The following GPR107 variants were observed in gnomAD, a reference collection of about 807,000 sequenced individuals.
GPR107 encodes the protein G protein-coupled receptor 107, also known as protein GPR107.
Under a neutral mutation model 75.5 loss-of-function variants are expected in GPR107, and 31 were observed. The ratio of observed to expected loss-of-function variants is 0.41; its 90% CI spans 0.31 to 0.55. GPR107 has a LOEUF of 0.55. Ranked by LOEUF, GPR107 falls within the 20% of genes least tolerant of loss-of-function variation. The pLI, the probability that GPR107 is intolerant of heterozygous loss-of-function variation, is 0.26. For missense variants in GPR107, 572 were observed against 665.7 expected (o/e 0.86, Z 1.55); for synonymous variants, 267 against 251.3 (o/e 1.06, Z -0.59).
intron 14 of GPR107, among the ~76,000 whole-genome samples, chr9:130,121,258 CTGGGCCACACTGGAAGAATTGTCT>C (rs1831540119): frequency 6.6e-6 from 1 of 152,166 alleles, no homozygotes; most frequent in African/African-American, 2.4e-5. Flanking sequence ...TTTGGCTTCC[CTGGGCCACACTGGAAGAATTGTCT>C]TGGGCCACAC....
chr9:130,068,466 G>T (rs1207278164), intron 1 of GPR107, among the ~76,000 whole-genome samples: 1 of 151,784 alleles, frequency 6.6e-6, no homozygotes, highest in African/African-American at 2.4e-5. Flanking sequence ...TGTTAGCCAT[G>T]TATAACATGT....
chr9:130,101,134 A>C lies in GPR107; in HGVS notation c.1042A>C (p.Ile348Leu). 6.2e-7 allele frequency: 1 copy of C among 1,608,318 alleles called. No homozygotes were observed. Among genetic ancestry groups the C allele is most frequent in the Admixed American group, 1.7e-5 (1 of 60,024 alleles). Reference sequence around the variant, plus strand: ...GAAAGGGGCGCTACTCTTCATCACCATTGCACTCATTGGCACTGGCTGGGC... The same window carrying C: ...GAAAGGGGCGCTACTCTTCATCACCCTTGCACTCATTGGCACTGGCTGGGC... ...LLKGALLFIT[I>L]ALIGTGWAFI... The change falls in exon 12 of 18, where the codon ATT becomes CTT. Residue 348 changes from isoleucine to leucine, a missense_variant. Transcript: ENST00000347136.
Position 130,135,182 on chromosome 9 carries a change from T to C in GPR107, c.*61T>C, listed in dbSNP as rs1247354962. On this transcript the variant is annotated 3_prime_UTR_variant, in exon 18 of 18. Transcript: ENST00000347136. ...ACTGTTAACTTATTCATAGTCCTAT[T>C]GGACAGCAGGAGCAGCTCCTACAGT... 17 of 861,378 alleles carry C rather than the reference T, an allele frequency of 2.0e-5. No homozygotes were observed. The highest frequency in any genetic ancestry group is 3.1e-5 in the Non-Finnish European group (17 of 550,732). The allele number at this position is 861,378 out of a possible 1,614,324, so 53.4% of individuals were successfully genotyped here. A position where few individuals can be genotyped will look rare whatever the true frequency, so the allele number is the denominator to read the frequency against.
At position 130,099,845 on chromosome 9, in the gene GPR107, C is replaced by G. The variant is rs369840656; in HGVS notation, c.939+313C>G. Among the ~76,000 whole-genome samples the G allele has an allele frequency of 3.8e-5, 5 of 132,924 alleles. No individual in the cohort carries two copies. The South Asian group carries it at 1.2e-3, about 32-fold the overall frequency. 87.2% of individuals were successfully genotyped at this position (132,924 alleles called of 152,430 possible). ...TTACCATTTCTAGAGATGAGAGTGC[C>G]ACCTGCTGACTTGTTTCCACGACTT... On this transcript the variant is annotated intron_variant, in intron 10 of 17. Coordinates refer to ENST00000347136, the MANE Select transcript of GPR107 (RefSeq NM_020960.5).
At chr9:130,119,823 TTTTG>T (rs145764411) in intron 14 of GPR107, among the ~76,000 whole-genome samples, 140,238 of 150,434 alleles carry the variant, frequency 0.93, 65,396 homozygotes, top group East Asian at 0.96. Context: ...AGTCTGTTTT[TTTTG>T]TTTGTTTGTT....
intron 14 of GPR107, chr9:130,110,349 T>A (rs1831265193): frequency 6.8e-7 from 1 of 1,478,372 alleles, no homozygotes; most frequent in African/African-American, 1.4e-5. Flanking sequence ...CACAAGGCAG[T>A]TTCTCATTTT....
At chr9:130,056,122 A>G (rs1438182965) in intron 1 of GPR107, among the ~76,000 whole-genome samples, 1 of 151,864 alleles carries the variant, frequency 6.6e-6, no homozygotes, top group African/African-American at 2.4e-5. Context: ...GTTGAGAGCT[A>G]TAGAACCTCT....
intron 2 of GPR107, 35 bp downstream of exon 2, chr9:130,075,784 CT>C (rs11446412): frequency 0.067 from 44,287 of 663,164 alleles, no homozygotes; most frequent in Non-Finnish European, 0.072. Flanking sequence ...GGGGTTTACT[CT>C]TTTTTTTTTT....
chr9:130,072,597 G>A (rs565425039), intron 1 of GPR107, among the ~76,000 whole-genome samples: 9 of 152,146 alleles, frequency 5.9e-5, no homozygotes, highest in African/African-American at 1.9e-4. Flanking sequence ...ATGAGCCATC[G>A]TGCCCAGCCG....
intron 1 of GPR107, 52 bp downstream of exon 1, chr9:130,054,125 G>A (rs774411217): frequency 6.8e-7 from 1 of 1,481,202 alleles, no homozygotes; most frequent in African/African-American, 1.4e-5. Flanking sequence ...CCACTCCCCG[G>A]GTTTTAGGGC....
intron 1 of GPR107, among the ~76,000 whole-genome samples, chr9:130,074,346 A>T (rs1830288630): frequency 6.6e-6 from 1 of 152,076 alleles, no homozygotes; most frequent in African/African-American, 2.4e-5. Flanking sequence ...ACTACCCGGG[A>T]TGTCCAGGAA....
At position 130,128,660 on chromosome 9, in the gene GPR107, A is replaced by G; in HGVS notation, c.1461A>G (p.Thr487=). The change falls in exon 17 of 18, where the codon ACA becomes ACG. Residue 487 remains threonine, a synonymous_variant. Coordinates refer to ENST00000347136, the MANE Select transcript of GPR107 (RefSeq NM_020960.5). ...WLYQLLDETA[T]LVFFVLTGYK... ...TGCAGCTCCTGGATGAAACGGCCACACTGGTCTTCTTTGTTCTAACGGGGT... is the reference window on the plus strand; with the variant it reads ...TGCAGCTCCTGGATGAAACGGCCACGCTGGTCTTCTTTGTTCTAACGGGGT... 1 of 1,611,962 alleles carries G rather than the reference A, an allele frequency of 6.2e-7. No individual in the cohort carries two copies. Among genetic ancestry groups the G allele is most frequent in the South Asian group, 1.1e-5 (1 of 91,042 alleles).
chr9:130,083,448 T>G, intron 5 of GPR107, 117 bp from the exon 6 acceptor site: 1 of 532,964 alleles, frequency 1.9e-6, no homozygotes, highest in Non-Finnish European at 3.1e-6. Context: ...CCAAGATTAT[T>G]TTGTTTAATT....
intron 9 of GPR107, among the ~76,000 whole-genome samples, chr9:130,098,427 C>G (rs935933814): frequency 6.6e-6 from 1 of 152,198 alleles, no homozygotes; most frequent in Admixed American, 6.6e-5. Flanking sequence ...TCCCCCTACT[C>G]TGGGCTGCAG....
At position 130,064,185 on chromosome 9, in the gene GPR107, C is replaced by CTTTTTTTTTTT. The variant is rs1045833413; in HGVS notation, c.141+10125_141+10135dup. On this transcript the variant is annotated intron_variant, in intron 1 of 17. Transcript: ENST00000347136. The stretch of plus-strand genomic sequence containing the variant: ...GTATCTGAACTATAAAATAGCTTTT[C>CTTTTTTTTTTT]TTTTTTTTTTTTTTTTTTTTTTTGA... Among the ~76,000 whole-genome samples the CTTTTTTTTTTT allele has an allele frequency of 8.5e-5, 7 of 82,586 alleles. 1 individual carries two copies. The highest frequency in any genetic ancestry group is 1.3e-4 in the Non-Finnish European group (6 of 45,402). The allele number at this position is 82,586 out of a possible 152,430, so 54.2% of individuals were successfully genotyped here.
intron 14 of GPR107, among the ~76,000 whole-genome samples, chr9:130,124,478 G>T (rs912829405): frequency 6.6e-6 from 1 of 152,176 alleles, no homozygotes. Context: ...CAGCTAGTGG[G>T]AGACCCCCCC....
chr9:130,069,506 C>T (rs1384462197), intron 1 of GPR107, among the ~76,000 whole-genome samples: 1 of 152,240 alleles, frequency 6.6e-6, no homozygotes, highest in African/African-American at 2.4e-5. Context: ...ATCCTCCTCG[C>T]TTGTACTTTC....
At chr9:130,126,501 A>G (rs1236307183) in intron 15 of GPR107, among the ~76,000 whole-genome samples, 1 of 151,890 alleles carries the variant, frequency 6.6e-6, no homozygotes, top group Non-Finnish European at 1.5e-5. Context: ...ATGCGCCACC[A>G]TGCCACGCCT....
chr9:130,134,936 A>G, intron 17 of GPR107, 89 bp from the exon 18 acceptor site: 2 of 764,962 alleles, frequency 2.6e-6, no homozygotes, highest in East Asian at 2.7e-5. Context: ...AACACCCATC[A>G]TCAGTCCTAA....
Sources: gnomAD v4.1 joint callset for allele counts (sites outside exome capture counted in the v4.1 genomes callset) on GRCh38, gnomAD v4.1.1 for gene constraint, MANE v1.5 for transcripts, NCBI Gene and HGNC (gene_info 2026-07-23, HGNC 2026-07-21) for gene names.